Variants in EZH2 observed in about 807,000 individuals in gnomAD.
EZH2 encodes the protein histone-lysine N-methyltransferase EZH2.
EZH2 carries 18 observed loss-of-function variants against 98.4 expected under a neutral mutation model. That is an observed-to-expected ratio of 0.18 (90% confidence interval 0.13 to 0.27). The LOEUF (loss-of-function observed/expected upper bound fraction) is 0.27. Among genes scored for constraint, EZH2 ranks in the 10% least tolerant of loss-of-function variants. The pLI, the probability that EZH2 is intolerant of heterozygous loss-of-function variation, is 1.00. For synonymous variants in EZH2, 338 were observed against 312.3 expected (o/e 1.08, Z -0.87); for missense variants, 470 against 935.1 (o/e 0.50, Z 6.49).
intron 1 of EZH2, among the ~76,000 whole-genome samples, chr7:148,863,747 C>A (rs1017266814): frequency 6.6e-6 from 1 of 152,180 alleles, no homozygotes; most frequent in Non-Finnish European, 1.5e-5. Flanking sequence ...CTCAACTGAC[C>A]TGCAAAGTGC....
chr7:148,858,149 A>T (rs1458086218), intron 1 of EZH2, among the ~76,000 whole-genome samples: 1 of 151,452 alleles, frequency 6.6e-6, no homozygotes, highest in Non-Finnish European at 1.5e-5. Context: ...AAAATTAGCC[A>T]GGCGTGGTGG....
chr7:148,862,416 T>A (rs541116008), intron 1 of EZH2, among the ~76,000 whole-genome samples: 1 of 152,214 alleles, frequency 6.6e-6, no homozygotes, highest in African/African-American at 2.4e-5. Context: ...ATGCTCACAG[T>A]AACAGACAAA....
chr7:148,849,944 AG>A (rs1815243673), intron 1 of EZH2, among the ~76,000 whole-genome samples: 1 of 152,130 alleles, frequency 6.6e-6, no homozygotes, highest in Admixed American at 6.5e-5. Context: ...TTCTCCTTGG[AG>A]GTAGCACCCC....
At chr7:148,878,671 G>A (rs965136955) in intron 1 of EZH2, among the ~76,000 whole-genome samples, 2 of 152,144 alleles carry the variant, frequency 1.3e-5, no homozygotes, top group Non-Finnish European at 2.9e-5. Flanking sequence ...GGCTGAGGTA[G>A]GTGGATCTCT....
intron 1 of EZH2, 113 bp from the exon 2 acceptor site, chr7:148,847,418 C>G (rs938993068): frequency 7.6e-7 from 1 of 1,312,078 alleles, no homozygotes; most frequent in African/African-American, 1.5e-5. Flanking sequence ...ACATATTACA[C>G]TGTTGGCATT....
At chr7:148,843,516 A>T (rs1028855405) in intron 3 of EZH2, among the ~76,000 whole-genome samples, 4 of 151,832 alleles carry the variant, frequency 2.6e-5, no homozygotes, top group African/African-American at 9.7e-5. Context: ...TACCAAAATA[A>T]CTTGGAGAAA....
intron 12 of EZH2, among the ~76,000 whole-genome samples, 198 bp downstream of exon 12, chr7:148,816,486 T>C (rs1274561150): frequency 6.6e-6 from 1 of 152,252 alleles, no homozygotes; most frequent in African/African-American, 2.4e-5. Flanking sequence ...ATACCAAATA[T>C]ACTGAAGGCT....
chr7:148,841,854 T>C (rs1812532505), intron 3 of EZH2, among the ~76,000 whole-genome samples: 1 of 152,134 alleles, frequency 6.6e-6, no homozygotes, highest in South Asian at 2.1e-4. Context: ...ACTGCCAACA[T>C]ACAAAATAAT....
chr7:148,816,880 C>T, intron 11 of EZH2, 102 bp from the exon 12 acceptor site: 1 of 815,674 alleles, frequency 1.2e-6, no homozygotes, highest in Admixed American at 1.9e-5. Flanking sequence ...TCTTCTGTGA[C>T]ACTGCTAGAT....
intron 1 of EZH2, among the ~76,000 whole-genome samples, chr7:148,868,051 C>T (rs907063438): frequency 2.6e-5 from 4 of 152,154 alleles, no homozygotes; most frequent in African/African-American, 9.7e-5. Flanking sequence ...TTGGTCAAAA[C>T]CATTCAACAA....
chr7:148,873,369 G>A (rs1819691612), intron 1 of EZH2, among the ~76,000 whole-genome samples: 1 of 151,240 alleles, frequency 6.6e-6, no homozygotes, highest in South Asian at 2.1e-4. Flanking sequence ...GCGTGTGCCT[G>A]TAATCCCAGC....
At chr7:148,814,185 A>AT (rs1803928719) in intron 14 of EZH2, 48 bp from the exon 15 acceptor site, 2 of 1,581,692 alleles carry the variant, frequency 1.3e-6, no homozygotes. Flanking sequence ...GTATGCAAAA[A>AT]CTTGCAGAAA....
chr7:148,878,074 A>C (rs1476072033), intron 1 of EZH2, among the ~76,000 whole-genome samples: 1 of 152,190 alleles, frequency 6.6e-6, no homozygotes, highest in Non-Finnish European at 1.5e-5. Flanking sequence ...TTCTGGTAAG[A>C]TATATAGATA....
chr7:148,877,951 T>A (rs1298989693), intron 1 of EZH2, among the ~76,000 whole-genome samples: 1 of 152,194 alleles, frequency 6.6e-6, no homozygotes, highest in Non-Finnish European at 1.5e-5. Context: ...GGATCCCGAA[T>A]GCAAATTCCC....
intron 13 of EZH2, 90 bp from the exon 14 acceptor site, chr7:148,815,129 C>T: frequency 6.8e-7 from 1 of 1,477,550 alleles, no homozygotes; most frequent in African/African-American, 1.4e-5. Flanking sequence ...TTCCCTACTA[C>T]CTGTGGAGTG....
intron 19 of EZH2, 108 bp from the exon 20 acceptor site, chr7:148,807,814 TAAAAAAAAAAAA>T: frequency 2.5e-6 from 1 of 399,452 alleles, no homozygotes; most frequent in East Asian, 3.9e-5. Context: ...AAAATGTCTT[TAAAAAAAAAAAA>T]AAAAAAAAAA....
At chr7:148,836,592 ATGTG>A (rs1810978814) in intron 3 of EZH2, among the ~76,000 whole-genome samples, 1 of 152,212 alleles carries the variant, frequency 6.6e-6, no homozygotes, top group South Asian at 2.1e-4. Flanking sequence ...GGTCAGAGCC[ATGTG>A]TCCTGGACTC....
At chr7:148,819,296 T>C (rs566757899) in intron 9 of EZH2, among the ~76,000 whole-genome samples, 21 of 152,342 alleles carry the variant, frequency 1.4e-4, no homozygotes, top group Non-Finnish European at 2.9e-4. Context: ...CTAAGCGGAC[T>C]ATCTGTGCCT....
intron 8 of EZH2, among the ~76,000 whole-genome samples, chr7:148,822,368 G>GATGTGGTAGC (rs776473568): frequency 5.9e-5 from 9 of 151,940 alleles, no homozygotes; most frequent in African/African-American, 2.2e-4. Flanking sequence ...AAATTAGCTG[G>GATGTGGTAGC]ATGTGGTAGC....
Sources: allele counts gnomAD v4.1 joint callset (sites outside exome capture counted in the v4.1 genomes callset), GRCh38; gene constraint gnomAD v4.1.1; transcripts MANE v1.5; gene names NCBI Gene and HGNC (gene_info 2026-07-23, HGNC 2026-07-21).